GRIA2: variants seen among roughly 807,000 people sequenced by gnomAD.
The protein encoded by GRIA2 is glutamate receptor 2.
Under a neutral mutation model 97.3 loss-of-function variants are expected in GRIA2, and 14 were observed. The observed-to-expected ratio is 0.14, with a 90% CI of 0.10 to 0.23. The LOEUF is 0.23. Among genes scored for constraint, GRIA2 ranks in the 10% least tolerant of loss-of-function variants. GRIA2 has a pLI of 1.00. For synonymous variants in GRIA2, 412 were observed against 387.8 expected (o/e 1.06, Z -0.73); for missense variants, 558 against 1,069.8 (o/e 0.52, Z 6.67).
intron 4 of GRIA2, among the ~76,000 whole-genome samples, chr4:157,314,794 A>G (rs902219376): frequency 3.3e-5 from 5 of 152,176 alleles, no homozygotes; most frequent in African/African-American, 9.6e-5. Context: ...TATATATTAT[A>G]AGTCCCTTGA....
chr4:157,358,418 G>T (rs1280690698), intron 12 of GRIA2, among the ~76,000 whole-genome samples: 2 of 152,254 alleles, frequency 1.3e-5, no homozygotes, highest in East Asian at 3.9e-4. Context: ...CAGAAAGAAA[G>T]CTTGATTCAC....
At chr4:157,328,710 G>A (rs1292129059) in intron 6 of GRIA2, among the ~76,000 whole-genome samples, 2 of 151,850 alleles carry the variant, frequency 1.3e-5, no homozygotes, top group Non-Finnish European at 2.9e-5. Flanking sequence ...GTAATCTAAA[G>A]TTCCTGAATA....
At chr4:157,291,630 G>A (rs1032580929) in intron 2 of GRIA2, among the ~76,000 whole-genome samples, 1 of 151,888 alleles carries the variant, frequency 6.6e-6, no homozygotes, top group Non-Finnish European at 1.5e-5. Flanking sequence ...TCATTGCACA[G>A]ATAACATATT....
intron 12 of GRIA2, among the ~76,000 whole-genome samples, chr4:157,352,989 C>T (rs1363444536): frequency 3.3e-5 from 5 of 150,958 alleles, no homozygotes; most frequent in East Asian, 2.0e-4. Context: ...AAATGGGAGG[C>T]GGAGATTACA....
intron 11 of GRIA2, among the ~76,000 whole-genome samples, chr4:157,339,727 G>A (rs1735465853): frequency 6.6e-6 from 1 of 151,728 alleles, no homozygotes; most frequent in African/African-American, 2.4e-5. Flanking sequence ...TTGTTTTAAG[G>A]GATTTGAGCA....
intron 4 of GRIA2, 92 bp downstream of exon 4, chr4:157,312,967 C>G (rs948738239): frequency 1.4e-6 from 1 of 691,024 alleles, no homozygotes; most frequent in Non-Finnish European, 2.3e-6. Flanking sequence ...GGTGCTTGAA[C>G]AGCAGTTTTT....
intron 12 of GRIA2, among the ~76,000 whole-genome samples, chr4:157,352,737 A>C (rs910203127): frequency 2.9e-4 from 44 of 150,236 alleles, no homozygotes; most frequent in South Asian, 1.3e-3. Flanking sequence ...AAAAAAAAAA[A>C]ACACACACAA....
intron 2 of GRIA2, among the ~76,000 whole-genome samples, chr4:157,272,109 A>G (rs1337725288): frequency 2.0e-5 from 3 of 152,080 alleles, no homozygotes; most frequent in Non-Finnish European, 2.9e-5. Flanking sequence ...GTTATTTTCA[A>G]TATATTTAGA....
At chr4:157,229,261 A>G (rs1256189840) in intron 2 of GRIA2, among the ~76,000 whole-genome samples, 1 of 152,014 alleles carries the variant, frequency 6.6e-6, no homozygotes, top group Non-Finnish European at 1.5e-5. Context: ...TTGTTTTCTA[A>G]CGATTTTGTT....
intron 5 of GRIA2, among the ~76,000 whole-genome samples, chr4:157,318,864 T>G (rs1191153481): frequency 1.3e-5 from 2 of 152,212 alleles, no homozygotes; most frequent in African/African-American, 4.8e-5. Context: ...ACAAATTTAA[T>G]GATTCCTAGT....
rs1732657161 is a variant in GRIA2, at chr4:157,282,624, GAGA to G, written c.230-20925_230-20923del. Among the ~76,000 whole-genome samples the G allele has an allele frequency of 2.0e-5, 3 of 152,174 alleles. No individual in the cohort carries two copies. In the South Asian group the frequency reaches 6.2e-4, roughly 32 times the overall value. On this transcript the variant is annotated intron_variant, in intron 2 of 15. Transcript: ENST00000264426. Reference sequence around the variant, plus strand: ...TTCACACTTTGGATCAAGGAGGGATGAGAAGGAGATAGCTTTATCCTGTGCCAG... The same window carrying G: ...TTCACACTTTGGATCAAGGAGGGATGAGGAGATAGCTTTATCCTGTGCCAG...
At chr4:157,321,711 A>G (rs1734578575) in intron 6 of GRIA2, 112 bp downstream of exon 6, 2 of 665,078 alleles carry the variant, frequency 3.0e-6, no homozygotes, top group South Asian at 4.1e-5. Context: ...GCACGTTTCA[A>G]AATATGGCAA....
At chr4:157,337,638 G>A (rs1026703167) in intron 11 of GRIA2, among the ~76,000 whole-genome samples, 5 of 151,858 alleles carry the variant, frequency 3.3e-5, no homozygotes, top group Admixed American at 6.6e-5. Context: ...CTAGTGGAGC[G>A]GGTGCCTTTC....
At chr4:157,349,048 A>G (rs1039065284) in intron 12 of GRIA2, among the ~76,000 whole-genome samples, 2 of 152,252 alleles carry the variant, frequency 1.3e-5, no homozygotes. Flanking sequence ...TCCTTTTATA[A>G]GGCAGACAGT....
At chr4:157,265,547 T>C (rs1731732864) in intron 2 of GRIA2, among the ~76,000 whole-genome samples, 1 of 152,104 alleles carries the variant, frequency 6.6e-6, no homozygotes, top group Non-Finnish European at 1.5e-5. Flanking sequence ...CCAGTCTTTT[T>C]AAAGACTAGG....
At chr4:157,262,656 T>C (rs1300022153) in intron 2 of GRIA2, among the ~76,000 whole-genome samples, 1 of 152,062 alleles carries the variant, frequency 6.6e-6, no homozygotes, top group Non-Finnish European at 1.5e-5. Flanking sequence ...ACTATTTAAT[T>C]GATTACCTTT....
chr4:157,334,351 C>T, intron 9 of GRIA2: 1 of 415,134 alleles, frequency 2.4e-6, no homozygotes, highest in Non-Finnish European at 4.5e-6. Flanking sequence ...ATAATTCCTA[C>T]CCTGGTGCTT....
rs778178035 is a variant in GRIA2, at chr4:157,303,798, G to A, written c.469+7G>A. The stretch of plus-strand genomic sequence containing the variant: ...CTCTATGACAGTGACAGAGGTAAGT[G>A]ACAGTATCTCATCTCTTTGTAATGG... On this transcript the variant is annotated splice_region_variant and intron_variant, in intron 3 of 15. Transcript: ENST00000264426. 1 of 1,613,106 alleles carries A rather than the reference G, an allele frequency of 6.2e-7. No individual in the cohort carries two copies. Among genetic ancestry groups the A allele is most frequent in the Non-Finnish European group, 8.5e-7 (1 of 1,179,122 alleles).
At chr4:157,262,844 C>T (rs1214326122) in intron 2 of GRIA2, among the ~76,000 whole-genome samples, 1 of 151,960 alleles carries the variant, frequency 6.6e-6, no homozygotes, top group Non-Finnish European at 1.5e-5. Context: ...AACCACTTTG[C>T]TTCTATTTTC....
Sources: gnomAD v4.1 joint callset for allele counts (sites outside exome capture counted in the v4.1 genomes callset) on GRCh38, gnomAD v4.1.1 for gene constraint, MANE v1.5 for transcripts, NCBI Gene and HGNC (gene_info 2026-07-23, HGNC 2026-07-21) for gene names.